MAGI2: variants seen among roughly 807,000 people sequenced by gnomAD.
MAGI2 encodes membrane associated guanylate kinase, WW and PDZ domain containing 2, also known as membrane-associated guanylate kinase, WW and PDZ domain-containing protein 2.
A neutral mutation model predicts 133.3 loss-of-function variants in MAGI2; 35 were observed. That is an observed-to-expected ratio of 0.26 (90% CI 0.20 to 0.35). MAGI2 has a LOEUF of 0.35. Ranked by LOEUF, MAGI2 falls within the 10% of genes least tolerant of loss-of-function variation. The pLI is 1.00. For missense variants in MAGI2, 1,636 were observed against 1,863.4 expected (o/e 0.88, Z 2.25); for synonymous variants, 729 against 710.6 (o/e 1.03, Z -0.41).
intron 1 of MAGI2, among the ~76,000 whole-genome samples, chr7:79,234,059 A>T (rs1345189475): frequency 1.3e-4 from 18 of 141,940 alleles, no homozygotes; most frequent in African/African-American, 4.8e-4. Context: ...TATGAAGCTT[A>T]GTTTGGCTGG....
At chr7:79,071,553 G>T (rs1027078017) in intron 1 of MAGI2, among the ~76,000 whole-genome samples, 1 of 152,112 alleles carries the variant, frequency 6.6e-6, no homozygotes, top group African/African-American at 2.4e-5. Context: ...GCCCACAGCC[G>T]CCCCTTCCCC....
chr7:78,303,938 C>T (rs894594718), intron 9 of MAGI2, among the ~76,000 whole-genome samples: 1 of 152,106 alleles, frequency 6.6e-6, no homozygotes, highest in Non-Finnish European at 1.5e-5. Context: ...ATCTCCAAAA[C>T]TCTTAATTCC....
intron 2 of MAGI2, among the ~76,000 whole-genome samples, chr7:78,967,694 T>C (rs188619068): frequency 1.7e-3 from 257 of 152,198 alleles, no homozygotes; most frequent in African/African-American, 5.8e-3. Context: ...AAATGACTTG[T>C]TAAACAGACT....
chr7:79,065,469 A>C (rs548834987), intron 1 of MAGI2, among the ~76,000 whole-genome samples: 1 of 152,148 alleles, frequency 6.6e-6, no homozygotes, highest in Non-Finnish European at 1.5e-5. Flanking sequence ...TTCCAAACAG[A>C]CATCAAGAAC....
At chr7:78,678,641 T>C (rs1254167782) in intron 2 of MAGI2, among the ~76,000 whole-genome samples, 1 of 152,190 alleles carries the variant, frequency 6.6e-6, no homozygotes, top group Non-Finnish European at 1.5e-5. Context: ...CTGCATGTAG[T>C]AGATGCTTTA....
At chr7:79,261,573 C>T (rs1042841766) in intron 1 of MAGI2, among the ~76,000 whole-genome samples, 1 of 152,106 alleles carries the variant, frequency 6.6e-6, no homozygotes, top group Non-Finnish European at 1.5e-5. Flanking sequence ...CCTCTGACCC[C>T]TTTATGTAAT....
In MAGI2 at chr7:79,061,565, G is replaced by A. The variant is rs182536737; in HGVS notation, c.302-54359C>T. Among the ~76,000 whole-genome samples, 623 of 151,780 alleles carry A rather than the reference G, an allele frequency of 4.1e-3. 2 individuals are homozygous for A. Among genetic ancestry groups the A allele is most frequent in the Non-Finnish European group, 7.6e-3 (516 of 67,914 alleles). On this transcript the variant is annotated intron_variant, in intron 1 of 21. Transcript: ENST00000354212. ...CTGAAGTTTTTTTTGAGGCAATACT[G>A]AAAAAGAAGAAAAAAAGAAGATGTG... is the stretch of plus-strand genomic sequence containing the variant.
chr7:78,640,558 A>G (rs1453475845), intron 2 of MAGI2, among the ~76,000 whole-genome samples: 1 of 152,196 alleles, frequency 6.6e-6, no homozygotes, highest in Non-Finnish European at 1.5e-5. Context: ...TACCTCCTTT[A>G]GAGAGATCAA....
chr7:78,396,624 C>T (rs1433941009), intron 6 of MAGI2, among the ~76,000 whole-genome samples: 1 of 152,136 alleles, frequency 6.6e-6, no homozygotes, highest in Non-Finnish European at 1.5e-5. Flanking sequence ...TACCATATAA[C>T]ATTTTACTAT....
intron 2 of MAGI2, among the ~76,000 whole-genome samples, chr7:78,867,975 T>C (rs1242271251): frequency 6.7e-6 from 1 of 149,068 alleles, no homozygotes; most frequent in Non-Finnish European, 1.5e-5. Flanking sequence ...CAACGAAGAG[T>C]GAAAAAATGT....
chr7:79,007,667 C>A (rs1807591269), intron 1 of MAGI2, among the ~76,000 whole-genome samples: 1 of 152,026 alleles, frequency 6.6e-6, no homozygotes, highest in Non-Finnish European at 1.5e-5. Context: ...CCTTTTGTGA[C>A]TGGCTTATTT....
At chr7:78,238,353 A>G (rs946032477) in intron 10 of MAGI2, among the ~76,000 whole-genome samples, 1 of 152,024 alleles carries the variant, frequency 6.6e-6, no homozygotes, top group African/African-American at 2.4e-5. Context: ...ATATGCATCT[A>G]TCATAGTCAT....
intron 6 of MAGI2, among the ~76,000 whole-genome samples, chr7:78,413,261 C>T (rs1169613081): frequency 6.6e-6 from 1 of 152,068 alleles, no homozygotes; most frequent in Admixed American, 6.6e-5. Context: ...AAACAAATGA[C>T]ACTGGCCTTA....
At chr7:78,217,386 T>G (rs1459842292) in intron 10 of MAGI2, among the ~76,000 whole-genome samples, 3 of 152,156 alleles carry the variant, frequency 2.0e-5, no homozygotes, top group Non-Finnish European at 2.9e-5. Flanking sequence ...CAGTACCTAG[T>G]GTAGGGTAGG....
At chr7:78,064,038 C>A (rs1813556615) in intron 21 of MAGI2, among the ~76,000 whole-genome samples, 2 of 152,160 alleles carry the variant, frequency 1.3e-5, no homozygotes, top group African/African-American at 4.8e-5. Flanking sequence ...TCCTCATCCC[C>A]ATGGATTACA....
chr7:78,415,031 G>A (rs1333956470), intron 6 of MAGI2, among the ~76,000 whole-genome samples: 1 of 151,966 alleles, frequency 6.6e-6, no homozygotes, highest in Non-Finnish European at 1.5e-5. Context: ...TTCATAAAAA[G>A]GTCCAACTTA....
chr7:78,666,002 G>A (rs772864567), intron 2 of MAGI2, among the ~76,000 whole-genome samples: 21 of 152,200 alleles, frequency 1.4e-4, no homozygotes, highest in Admixed American at 3.9e-4. Flanking sequence ...AACCCTGTTC[G>A]GGCAGTTAGA....
At chr7:78,314,930 G>T (rs1787246894) in intron 9 of MAGI2, among the ~76,000 whole-genome samples, 1 of 152,096 alleles carries the variant, frequency 6.6e-6, no homozygotes, top group African/African-American at 2.4e-5. Context: ...TAACTGTTGG[G>T]TATACCCCTT....
chr7:78,418,619 C>T (rs1798510652), intron 6 of MAGI2, among the ~76,000 whole-genome samples: 2 of 152,054 alleles, frequency 1.3e-5, no homozygotes, highest in African/African-American at 4.8e-5. Context: ...ATGTAAATAG[C>T]CACATGTGCC....
Sources: gnomAD v4.1 joint callset for allele counts (sites outside exome capture counted in the v4.1 genomes callset) on GRCh38, gnomAD v4.1.1 for gene constraint, MANE v1.5 for transcripts, NCBI Gene and HGNC (gene_info 2026-07-23, HGNC 2026-07-21) for gene names.